The following LYRM4 variants were observed in gnomAD, a reference collection of about 807,000 sequenced individuals.
The protein encoded by LYRM4 is LYR motif containing 4, also known as LYR motif-containing protein 4.
A neutral mutation model predicts 11.7 loss-of-function variants in LYRM4; 9 were observed. The observed-to-expected ratio is 0.77, with a 90% CI of 0.46 to 1.34. LYRM4 has a LOEUF of 1.34. Ranked by LOEUF, LYRM4 falls within the 40% of genes most tolerant of loss-of-function variation. The pLI, the probability that LYRM4 is intolerant of heterozygous loss-of-function variation, is 0.00. For synonymous variants in LYRM4, 42 were observed against 40.4 expected, an observed-to-expected ratio of 1.04 and a Z score of -0.15; for missense variants, 133 against 112.5, an observed-to-expected ratio of 1.18 and a Z score of -0.82.
chr6:5,101,236 G>C (rs893039935), downstream of LYRM4, among the ~76,000 whole-genome samples: 1 of 152,158 alleles, frequency 6.6e-6, no homozygotes, highest in African/African-American at 2.4e-5. Flanking sequence ...GCCTCTCCCA[G>C]GGAATTTACA....
At chr6:5,169,019 T>C (rs967560880) in intron 2 of LYRM4, among the ~76,000 whole-genome samples, 3 of 152,152 alleles carry the variant, frequency 2.0e-5, no homozygotes, top group African/African-American at 7.2e-5. Flanking sequence ...TATTATTATT[T>C]TTATTCTTGA....
chr6:5,046,768 T>C, the LYRM4 span, among the ~76,000 whole-genome samples: 1 of 152,178 alleles, frequency 6.6e-6, no homozygotes, highest in East Asian at 1.9e-4. Flanking sequence ...CACACCAAGA[T>C]GGCTTCCGTC....
chr6:5,067,968 C>T, the LYRM4 span, among the ~76,000 whole-genome samples: 4 of 152,334 alleles, frequency 2.6e-5, no homozygotes, highest in African/African-American at 9.6e-5. Context: ...TTAACTTTCA[C>T]ATACTTAAAA....
chr6:5,130,279 G>T (rs542907898), intron 2 of LYRM4, among the ~76,000 whole-genome samples: 5 of 152,114 alleles, frequency 3.3e-5, no homozygotes, highest in African/African-American at 1.2e-4. Flanking sequence ...GGATTAGTGG[G>T]CCTGGAGGAG....
At position 5,239,820 on chromosome 6, in the gene LYRM4, T is replaced by G. The variant is rs375850518; in HGVS notation, c.86+20828A>C. Among the ~76,000 whole-genome samples, 214 of 145,706 alleles carry G rather than the reference T, an allele frequency of 1.5e-3. 1 individual carries two copies. Among genetic ancestry groups the G allele is most frequent in the African/African-American group, 5.8e-3 (208 of 35,714 alleles). ...TCTTTTCCCAAGGCTCTTCCAGACCTGCAGAATCTGGGTTTCTGCTCTATG... is the reference window on the plus strand; with the variant it reads ...TCTTTTCCCAAGGCTCTTCCAGACCGGCAGAATCTGGGTTTCTGCTCTATG... On this transcript the variant is annotated intron_variant, in intron 1 of 2. Transcript: ENST00000330636.
intron 2 of LYRM4, among the ~76,000 whole-genome samples, chr6:5,192,840 A>G (rs955805117): frequency 2.6e-5 from 4 of 152,212 alleles, no homozygotes; most frequent in Non-Finnish European, 5.9e-5. Context: ...AGCTGGGCCA[A>G]CATGGCAAAA....
intron 2 of LYRM4, among the ~76,000 whole-genome samples, chr6:5,169,475 G>A (rs1243693104): frequency 6.6e-6 from 1 of 152,192 alleles, no homozygotes; most frequent in Non-Finnish European, 1.5e-5. Flanking sequence ...AGTCAAATAA[G>A]TGGAACTGAG....
At chr6:5,169,782 G>C (rs1759311077) in intron 2 of LYRM4, among the ~76,000 whole-genome samples, 1 of 152,150 alleles carries the variant, frequency 6.6e-6, no homozygotes, top group Non-Finnish European at 1.5e-5. Flanking sequence ...AAGATCCACA[G>C]ATCACCTTGC....
At chr6:5,086,918 G>A in the LYRM4 span, 3 of 302,776 alleles carry the variant, frequency 9.9e-6, no homozygotes, top group African/African-American at 2.2e-5. Context: ...ATGGTTCTAA[G>A]GCCTTGGGAT....
intron 2 of LYRM4, among the ~76,000 whole-genome samples, chr6:5,154,356 C>A (rs904681964): frequency 6.6e-6 from 1 of 152,198 alleles, no homozygotes; most frequent in African/African-American, 2.4e-5. Context: ...ATTTCACTGA[C>A]CACCCCTATT....
chr6:5,073,056 T>C, the LYRM4 span, among the ~76,000 whole-genome samples: 4,042 of 152,226 alleles, frequency 0.027, 181 homozygotes, highest in African/African-American at 0.092. Context: ...TTTATGAAGT[T>C]TCCTTTGTAT....
intron 2 of LYRM4, among the ~76,000 whole-genome samples, chr6:5,140,811 C>T (rs572878288): frequency 1.5e-4 from 23 of 152,326 alleles, no homozygotes; most frequent in African/African-American, 5.1e-4. Flanking sequence ...AGAGGTAACA[C>T]GAACTGAAAC....
chr6:5,244,751 C>T (rs1764063334), intron 1 of LYRM4, among the ~76,000 whole-genome samples: 1 of 151,850 alleles, frequency 6.6e-6, no homozygotes. Flanking sequence ...TAGTGACAGG[C>T]TGCACACATG....
At chr6:5,067,167 C>G in the LYRM4 span, among the ~76,000 whole-genome samples, 1 of 152,168 alleles carries the variant, frequency 6.6e-6, no homozygotes, top group Admixed American at 6.6e-5. Flanking sequence ...CACCACATTC[C>G]CCATGTGCAT....
In LYRM4 at chr6:5,189,397, T is replaced by TAGCCTAAGGTTAGTGGTG. The variant is rs1483519884; in HGVS notation, c.207+27203_207+27220dup. On this transcript the variant is annotated intron_variant, in intron 2 of 2. Coordinates refer to ENST00000330636, the MANE Select transcript of LYRM4 (RefSeq NM_020408.6). Reference sequence around the variant, plus strand: ...TAGTGGTGAGCCTAAGGTTAGTGCTTAGCCTAAGGTTAGTGGTGAGCCTAA... The same window carrying TAGCCTAAGGTTAGTGGTG: ...TAGTGGTGAGCCTAAGGTTAGTGCTTAGCCTAAGGTTAGTGGTGAGCCTAAGGTTAGTGGTGAGCCTAA... 1.1e-3 allele frequency among the ~76,000 whole-genome samples: 171 copies of TAGCCTAAGGTTAGTGGTG among 151,606 alleles called. 1 individual carries two copies. Among genetic ancestry groups the TAGCCTAAGGTTAGTGGTG allele is most frequent in the Middle Eastern group, 6.8e-3 (2 of 294 alleles).
chr6:5,203,668 A>G (rs1340227367), intron 2 of LYRM4, among the ~76,000 whole-genome samples: 1 of 152,230 alleles, frequency 6.6e-6, no homozygotes, highest in African/African-American at 2.4e-5. Context: ...CTTGGAATTT[A>G]GTCTTCACAG....
chr6:5,059,290 A>G, the LYRM4 span, among the ~76,000 whole-genome samples: 1 of 148,556 alleles, frequency 6.7e-6, no homozygotes. Flanking sequence ...ACAGTGAGCT[A>G]TGACGGTGGC....
rs71540849 is a variant in LYRM4 at position 5,144,624 on chromosome 6, C to CAAAAAAAAA, written c.208-35142_208-35134dup. ...TGGGCGACACAGCGAGACTCCGTCTCAAAAAAAAAAAAAAAAAAAAAAAAA... is the reference window on the plus strand; with the variant it reads ...TGGGCGACACAGCGAGACTCCGTCTCAAAAAAAAAAAAAAAAAAAAAAAAAAAAAAAAAA... On this transcript the variant is annotated intron_variant, in intron 2 of 2. Coordinates refer to ENST00000330636, the MANE Select transcript of LYRM4 (RefSeq NM_020408.6). Among the ~76,000 whole-genome samples the CAAAAAAAAA allele has an allele frequency of 7.2e-4, 27 of 37,602 alleles. 1 individual carries two copies. Among genetic ancestry groups the CAAAAAAAAA allele is most frequent in the South Asian group, 4.0e-3 (2 of 498 alleles). The allele number at this position is 37,602 out of a possible 152,430, so 24.7% of individuals were successfully genotyped here. A position where few individuals can be genotyped will look rare whatever the true frequency, so the allele number is the denominator to read the frequency against.
At chr6:5,086,243 C>A in the LYRM4 span, 3 of 1,535,590 alleles carry the variant, frequency 2.0e-6, no homozygotes, top group Middle Eastern at 1.7e-4. Context: ...GTGCGCTACA[C>A]CTTTACCGAG....
Sources: gnomAD v4.1 joint callset for allele counts (sites outside exome capture counted in the v4.1 genomes callset) on GRCh38, gnomAD v4.1.1 for gene constraint, MANE v1.5 for transcripts, NCBI Gene and HGNC (gene_info 2026-07-23, HGNC 2026-07-21) for gene names.